TAOK3: variants seen among roughly 807,000 people sequenced by gnomAD.
The protein encoded by TAOK3 is TAO kinase 3.
In TAOK3, 40 loss-of-function variants were observed where a neutral mutation model predicts 120.4. The observed-to-expected ratio is 0.33, with a 90% CI of 0.26 to 0.43. The LOEUF (loss-of-function observed/expected upper bound fraction) is 0.43. TAOK3 is among the 20% of genes least tolerant of loss of function. TAOK3 has a pLI of 1.00. For synonymous variants in TAOK3, 355 were observed against 387.5 expected, an observed-to-expected ratio of 0.92 and a Z score of 0.99; for missense variants, 821 against 1,112.1, an observed-to-expected ratio of 0.74 and a Z score of 3.72.
intron 1 of TAOK3, among the ~76,000 whole-genome samples, chr12:118,330,440 A>G (rs937514036): frequency 4.0e-4 from 61 of 152,182 alleles, no homozygotes; most frequent in African/African-American, 1.4e-3. Flanking sequence ...GTATATTTTT[A>G]GATAGTGTTC....
chr12:118,300,692 T>C (rs966174166), intron 1 of TAOK3, among the ~76,000 whole-genome samples: 1 of 152,112 alleles, frequency 6.6e-6, no homozygotes, highest in Non-Finnish European at 1.5e-5. Flanking sequence ...CAGTTGTATG[T>C]GTCTATCACC....
intron 1 of TAOK3, among the ~76,000 whole-genome samples, chr12:118,367,864 T>G (rs1470284444): frequency 6.6e-6 from 1 of 152,112 alleles, no homozygotes; most frequent in East Asian, 1.9e-4. Flanking sequence ...AAGACTCTAA[T>G]TTTTAAAAAA....
intron 14 of TAOK3, among the ~76,000 whole-genome samples, chr12:118,182,623 A>ATATATATATATATATTTT (rs371125415): frequency 4.3e-5 from 4 of 92,390 alleles, no homozygotes; most frequent in African/African-American, 2.0e-4. Flanking sequence ...ATATATATAT[A>ATATATATATATATATTTT]TTTTTTTTTT....
At chr12:118,323,408 C>T (rs190101117) in intron 1 of TAOK3, among the ~76,000 whole-genome samples, 18 of 152,156 alleles carry the variant, frequency 1.2e-4, no homozygotes, top group Admixed American at 5.9e-4. Context: ...TCATTCTCCA[C>T]GCCAAAATAA....
intron 1 of TAOK3, among the ~76,000 whole-genome samples, chr12:118,367,962 G>A (rs754973873): frequency 3.9e-5 from 6 of 151,986 alleles, no homozygotes; most frequent in Admixed American, 6.5e-5. Flanking sequence ...ATTCAGGTTG[G>A]CTTAAACATT....
intron 1 of TAOK3, among the ~76,000 whole-genome samples, chr12:118,292,529 T>C (rs1427282375): frequency 1.3e-5 from 2 of 152,178 alleles, no homozygotes; most frequent in Non-Finnish European, 1.5e-5. Context: ...CTTAACACTA[T>C]GAAAGAGTTA....
chr12:118,351,947 C>T (rs1243025533), intron 1 of TAOK3, among the ~76,000 whole-genome samples: 1 of 144,706 alleles, frequency 6.9e-6, no homozygotes, highest in Admixed American at 7.1e-5. Context: ...TATCTTGGCT[C>T]ACTCCAAGCT....
At chr12:118,246,171 G>C (rs1174100504) in intron 3 of TAOK3, 4 of 1,420,650 alleles carry the variant, frequency 2.8e-6, no homozygotes, top group South Asian at 1.2e-5. Context: ...CGGAGGTTTC[G>C]GCAGTGGCAT....
intron 9 of TAOK3, among the ~76,000 whole-genome samples, chr12:118,222,532 GAA>G (rs201957813): frequency 7.5e-6 from 1 of 133,536 alleles, no homozygotes. Context: ...ACTCCCTCTC[GAA>G]AAAAAAAAAA....
intron 1 of TAOK3, among the ~76,000 whole-genome samples, chr12:118,350,595 AC>A: frequency 6.6e-6 from 1 of 152,300 alleles, no homozygotes; most frequent in Admixed American, 6.5e-5. Context: ...ATGGTGACTC[AC>A]GCCTGTAATC....
chr12:118,346,841 A>T (rs1484473197), intron 1 of TAOK3, among the ~76,000 whole-genome samples: 1 of 152,230 alleles, frequency 6.6e-6, no homozygotes, highest in Non-Finnish European at 1.5e-5. Context: ...ATCTGTAGTT[A>T]CTATTCTATC....
intron 1 of TAOK3, among the ~76,000 whole-genome samples, chr12:118,278,720 C>T (rs1466825087): frequency 6.6e-6 from 1 of 152,220 alleles, no homozygotes; most frequent in Non-Finnish European, 1.5e-5. Context: ...CGCCAAACTG[C>T]TTTCCACAAT....
At chr12:118,290,159 C>A (rs2042419909) in intron 1 of TAOK3, among the ~76,000 whole-genome samples, 1 of 152,082 alleles carries the variant, frequency 6.6e-6, no homozygotes. Context: ...AACTTAAAAC[C>A]CTTTAATCCT....
At chr12:118,298,234 CA>C (rs1166313395) in intron 1 of TAOK3, among the ~76,000 whole-genome samples, 1 of 152,162 alleles carries the variant, frequency 6.6e-6, no homozygotes, top group East Asian at 1.9e-4. Context: ...TTGTAAGTAA[CA>C]AATCAGAAGT....
intron 1 of TAOK3, among the ~76,000 whole-genome samples, chr12:118,325,296 C>T (rs1385826402): frequency 6.6e-6 from 1 of 152,222 alleles, no homozygotes; most frequent in African/African-American, 2.4e-5. Flanking sequence ...GAGGAACCTC[C>T]ATACTATTCT....
chr12:118,213,732 C>A (rs2038743090), intron 10 of TAOK3, among the ~76,000 whole-genome samples: 2 of 151,956 alleles, frequency 1.3e-5, no homozygotes, highest in African/African-American at 4.8e-5. Flanking sequence ...TGACCTGGGA[C>A]AATAGACTTG....
chr12:118,150,853 AG>A lies in TAOK3; in HGVS notation c.*143del. ...GATGGAGTAAGAATAAACAGGCACT[AG>A]TCCGACACGATGTCAGTAAGAGTAA... is the stretch of plus-strand genomic sequence containing the variant. On this transcript the variant is annotated 3_prime_UTR_variant, in exon 21 of 21. Transcript: ENST00000392533. 1 of 906,014 alleles carries A rather than the reference AG, an allele frequency of 1.1e-6. No individual in the cohort carries two copies. The highest frequency in any genetic ancestry group is 1.9e-5 in the South Asian group (1 of 53,942). 56.1% of individuals were successfully genotyped at this position (906,014 alleles called of 1,614,324 possible).
At chr12:118,310,152 C>T (rs1403783731) in intron 1 of TAOK3, among the ~76,000 whole-genome samples, 3 of 152,084 alleles carry the variant, frequency 2.0e-5, no homozygotes, top group Non-Finnish European at 2.9e-5. Flanking sequence ...GGCATAGTGG[C>T]GTGCACCTGT....
rs370831411 is a variant in TAOK3 at position 118,181,344 on chromosome 12, C to T, written c.1566+27G>A. ...CCCAACAGGCTGGGCTTGGTTGTGG[C>T]ATGAAGGCGTGTGTGCACATACTGA... On this transcript the variant is annotated intron_variant, in intron 15 of 20. Transcript: ENST00000392533. 1.7e-5 allele frequency: 27 copies of T among 1,569,150 alleles called. No individual in the cohort carries two copies. In the African/African-American group the frequency reaches 3.2e-4, roughly 19 times the overall value.
Sources: gnomAD v4.1 joint callset for allele counts (sites outside exome capture counted in the v4.1 genomes callset) on GRCh38, gnomAD v4.1.1 for gene constraint, MANE v1.5 for transcripts, NCBI Gene and HGNC (gene_info 2026-07-23, HGNC 2026-07-21) for gene names.